PDE2A: variants seen among roughly 807,000 people sequenced by gnomAD.
The protein encoded by PDE2A is phosphodiesterase 2A, also known as cGMP-dependent 3',5'-cyclic phosphodiesterase.
In PDE2A, 53 loss-of-function variants were observed where a neutral mutation model predicts 133.6. The observed-to-expected ratio is 0.40, with a 90% CI of 0.32 to 0.50. The LOEUF (loss-of-function observed/expected upper bound fraction) is 0.50, where lower values mean the gene tolerates loss of function less well. PDE2A is among the 20% of genes least tolerant of loss of function. The pLI, the probability that PDE2A is intolerant of heterozygous loss-of-function variation, is 0.73. For missense variants in PDE2A, 796 were observed against 1,232.4 expected (o/e 0.65, Z 5.30); for synonymous variants, 491 against 490.2 (o/e 1.00, Z -0.02).
At chr11:72,613,974 TG>T (rs368748786) in intron 2 of PDE2A, among the ~76,000 whole-genome samples, 254 of 152,310 alleles carry the variant, frequency 1.7e-3, no homozygotes, top group African/African-American at 5.9e-3. Flanking sequence ...TCAGGGTGAC[TG>T]GCAGAACTGC....
intron 1 of PDE2A, among the ~76,000 whole-genome samples, chr11:72,661,612 C>A (rs1855065724): frequency 6.6e-6 from 1 of 152,198 alleles, no homozygotes; most frequent in Non-Finnish European, 1.5e-5. Flanking sequence ...CCTAGAAGAT[C>A]TGAAGAATGA....
At chr11:72,606,267 A>G (rs1379858427) in intron 3 of PDE2A, among the ~76,000 whole-genome samples, 1 of 152,036 alleles carries the variant, frequency 6.6e-6, no homozygotes, top group Non-Finnish European at 1.5e-5. Flanking sequence ...TTTTCTCCGC[A>G]GGAGGATGGA....
At chr11:72,635,409 C>T (rs1192075707) in intron 2 of PDE2A, among the ~76,000 whole-genome samples, 2 of 152,178 alleles carry the variant, frequency 1.3e-5, no homozygotes, top group African/African-American at 4.8e-5. Context: ...CCAGCAGCCC[C>T]ATTTAGAATC....
chr11:72,578,230 C>T lies in PDE2A; in HGVS notation c.2615+3G>A. 6.4e-7 allele frequency: 1 copy of T among 1,574,192 alleles called. No homozygotes were observed. The highest frequency in any genetic ancestry group is 8.7e-7 in the Non-Finnish European group (1 of 1,143,284). On this transcript the variant is annotated splice_donor_region_variant and intron_variant, in intron 30 of 30. Coordinates refer to ENST00000334456, the MANE Select transcript of PDE2A (RefSeq NM_002599.5). The surrounding 1 kb of genome is among the most constrained non-coding windows in gnomAD (Gnocchi z 4.2). The stretch of plus-strand genomic sequence containing the variant: ...TGCAGCTTGTCCCCATGAGCTCACT[C>T]ACTTGTAGATGGGCATTGCAATGTG...
chr11:72,635,896 C>A (rs1858658079), intron 2 of PDE2A: 9 of 921,698 alleles, frequency 9.8e-6, no homozygotes, highest in African/African-American at 1.7e-5. Flanking sequence ...TCTCCCTTTG[C>A]TCTCACTCCC....
chr11:72,615,540 G>C (rs1379331404), intron 2 of PDE2A, among the ~76,000 whole-genome samples: 1 of 152,162 alleles, frequency 6.6e-6, no homozygotes, highest in Non-Finnish European at 1.5e-5. Context: ...GGGGGAGGAT[G>C]GCCCTGCAAG....
At chr11:72,637,233 C>T (rs575229977) in intron 2 of PDE2A, among the ~76,000 whole-genome samples, 37 of 152,348 alleles carry the variant, frequency 2.4e-4, no homozygotes, top group African/African-American at 8.9e-4. Context: ...CTGAGTTTAT[C>T]TCCCTCGTTG....
chr11:72,643,889 C>A (rs1859057273), intron 1 of PDE2A, among the ~76,000 whole-genome samples: 1 of 152,204 alleles, frequency 6.6e-6, no homozygotes, highest in African/African-American at 2.4e-5. Flanking sequence ...CCCCCACTCA[C>A]CCTCAGTGGC....
chr11:72,667,244 T>C (rs1855263307), intron 1 of PDE2A, among the ~76,000 whole-genome samples: 1 of 152,134 alleles, frequency 6.6e-6, no homozygotes, highest in African/African-American at 2.4e-5. Context: ...CACATTCAGG[T>C]ACACATACAC....
In PDE2A at chr11:72,597,993, TG is replaced by T. The variant is rs1856565458; in HGVS notation, c.324-375del. Among the ~76,000 whole-genome samples, 1 of 152,076 alleles carries T rather than the reference TG, an allele frequency of 6.6e-6. No homozygotes were observed. The highest frequency in any genetic ancestry group is 2.1e-4 in the South Asian group (1 of 4,822). ...CTGATCTTCCCAAGGAGAACTAGGG[TG>T]GAGAGAGAAGAACCCTCCCTGTCAC... On this transcript the variant is annotated intron_variant, in intron 4 of 30. Transcript: ENST00000334456. The surrounding 1 kb of genome is among the most constrained non-coding windows in gnomAD (Gnocchi z 4.6).
At chr11:72,610,394 GC>G (rs1306593095) in intron 2 of PDE2A, among the ~76,000 whole-genome samples, 25 of 152,330 alleles carry the variant, frequency 1.6e-4, no homozygotes, top group African/African-American at 6.0e-4. Flanking sequence ...TGGGCTGAAT[GC>G]CTATTTGCCA....
At chr11:72,581,144 G>A (rs75035751) in intron 23 of PDE2A, among the ~76,000 whole-genome samples, 171 bp from the exon 24 acceptor site, 3,078 of 152,286 alleles carry the variant, frequency 0.02, 99 homozygotes, top group African/African-American at 0.071. Flanking sequence ...CAGCAGACCC[G>A]GGTTTAAATC....
intron 2 of PDE2A, among the ~76,000 whole-genome samples, chr11:72,614,177 C>A (rs1355917463): frequency 1.3e-5 from 2 of 152,226 alleles, no homozygotes; most frequent in Non-Finnish European, 2.9e-5. Flanking sequence ...ACACCCACGC[C>A]TGCCACCTGG....
chr11:72,635,991 G>T, intron 2 of PDE2A: 1 of 1,244,812 alleles, frequency 8.0e-7, no homozygotes. Flanking sequence ...CTGAGCTCCC[G>T]AAACTCCCAT....
At chr11:72,646,018 C>T (rs1331467620) in intron 1 of PDE2A, among the ~76,000 whole-genome samples, 1 of 152,208 alleles carries the variant, frequency 6.6e-6, no homozygotes, top group Non-Finnish European at 1.5e-5. Context: ...AATCAGATTT[C>T]CCAGCTCCTC....
rs756645669 is a variant in PDE2A, at chr11:72,589,180, T to G, written c.934A>C (p.Thr312Pro). Residue 312 changes from threonine (T) to proline (P), a missense_variant, in exon 12 of 31, where the codon ACC becomes CCC. Around this residue, in one of 7 missense-constraint regions of PDE2A, gnomAD observed 417 missense variants for 475.3 expected, o/e 0.88. Transcript: ENST00000334456. Reference sequence around the variant, plus strand: ...TCAGCCAGGCCATGACTTACGGAGGTGAGGTCCTTCAGCTGGATGGACTTC... The same window carrying G: ...TCAGCCAGGCCATGACTTACGGAGGGGAGGTCCTTCAGCTGGATGGACTTC... ...DKKSIQLKDL[T>P]SEDVQQLQSM... 1 of 1,612,910 alleles carries G rather than the reference T, an allele frequency of 6.2e-7. No individual in the cohort carries two copies.
chr11:72,602,923 C>T (rs913560146), intron 4 of PDE2A, among the ~76,000 whole-genome samples: 6 of 152,198 alleles, frequency 3.9e-5, no homozygotes, highest in South Asian at 2.1e-4. Flanking sequence ...GGGGCCTCTC[C>T]GCCCTAACTG....
intron 1 of PDE2A, among the ~76,000 whole-genome samples, chr11:72,673,673 T>C (rs1855435653): frequency 6.6e-6 from 1 of 151,930 alleles, no homozygotes; most frequent in African/African-American, 2.4e-5. Context: ...CCACTCTTAT[T>C]CATATTTTCT....
chr11:72,601,635 C>T (rs1277128890), intron 4 of PDE2A, among the ~76,000 whole-genome samples: 1 of 152,100 alleles, frequency 6.6e-6, no homozygotes, highest in Non-Finnish European at 1.5e-5. Flanking sequence ...CTGCACTCAG[C>T]ATCAGGTAAT....
Sources: allele counts gnomAD v4.1 joint callset (sites outside exome capture counted in the v4.1 genomes callset), GRCh38; gene constraint gnomAD v4.1.1; regional missense constraint gnomAD v4.1.1; non-coding constraint Gnocchi (gnomAD v3.1); transcripts MANE v1.5; gene names NCBI Gene and HGNC (gene_info 2026-07-23, HGNC 2026-07-21).